The following TMEM132D variants were observed in gnomAD, a reference collection of about 807,000 sequenced individuals.
The protein encoded by TMEM132D is mature OL transmembrane protein.
A neutral mutation model predicts 62.3 loss-of-function variants in TMEM132D; 21 were observed. The observed-to-expected ratio is 0.34, with a 90% CI of 0.24 to 0.49. The LOEUF (loss-of-function observed/expected upper bound fraction) is 0.49. Among genes scored for constraint, TMEM132D ranks in the 20% least tolerant of loss-of-function variants. The pLI, the probability that TMEM132D is intolerant of heterozygous loss-of-function variation, is 0.99. For synonymous variants in TMEM132D, 621 were observed against 575.6 expected (o/e 1.08, Z -1.13); for missense variants, 1,346 against 1,402.8 (o/e 0.96, Z 0.65).
chr12:129,338,980 G>A (rs568036220), intron 3 of TMEM132D, among the ~76,000 whole-genome samples: 2 of 152,052 alleles, frequency 1.3e-5, no homozygotes, highest in South Asian at 4.2e-4. Context: ...GACAGAGAGA[G>A]AGAAAGGAGG....
At chr12:129,320,765 G>T (rs1440125184) in intron 4 of TMEM132D, among the ~76,000 whole-genome samples, 2 of 152,154 alleles carry the variant, frequency 1.3e-5, no homozygotes, top group African/African-American at 4.8e-5. Context: ...AAAAAGAATA[G>T]TTTGGAGTAC....
At chr12:129,101,825 C>G (rs1251523237) in intron 5 of TMEM132D, among the ~76,000 whole-genome samples, 1 of 152,200 alleles carries the variant, frequency 6.6e-6, no homozygotes, top group Non-Finnish European at 1.5e-5. Context: ...ACACTGACAG[C>G]AACCGAGGTC....
intron 4 of TMEM132D, among the ~76,000 whole-genome samples, chr12:129,319,609 C>G (rs11060247): frequency 1.1e-4 from 16 of 152,034 alleles, no homozygotes; most frequent in African/African-American, 3.6e-4. Context: ...CCCAAGGACT[C>G]GAAACAGGCA....
At chr12:129,122,888 A>T (rs1876107119) in intron 5 of TMEM132D, among the ~76,000 whole-genome samples, 1 of 152,192 alleles carries the variant, frequency 6.6e-6, no homozygotes, top group Non-Finnish European at 1.5e-5. Flanking sequence ...TTGATGACAA[A>T]CTGGTTATGG....
At chr12:129,770,018 A>G (rs564335080) in intron 1 of TMEM132D, among the ~76,000 whole-genome samples, 1 of 150,720 alleles carries the variant, frequency 6.6e-6, no homozygotes, top group African/African-American at 2.4e-5. Context: ...GGGGGTCTTG[A>G]TTTGTTGCTG....
chr12:129,550,583 C>A (rs1003077911), intron 2 of TMEM132D, among the ~76,000 whole-genome samples: 1 of 152,168 alleles, frequency 6.6e-6, no homozygotes, highest in South Asian at 2.1e-4. Flanking sequence ...ACTTAAGCAA[C>A]CATTTCACAG....
At chr12:129,786,750 G>A (rs58629372) in intron 1 of TMEM132D, among the ~76,000 whole-genome samples, 1 of 152,208 alleles carries the variant, frequency 6.6e-6, no homozygotes, top group African/African-American at 2.4e-5. Context: ...TATTGGCTGA[G>A]CTTGGTGGTA....
At chr12:129,701,096 G>A (rs763923027) in intron 1 of TMEM132D, among the ~76,000 whole-genome samples, 3 of 152,162 alleles carry the variant, frequency 2.0e-5, no homozygotes, top group Admixed American at 6.5e-5. Flanking sequence ...GAGAGGCACC[G>A]TCCCATTGAC....
chr12:129,481,290 G>T (rs1874421352), intron 3 of TMEM132D, among the ~76,000 whole-genome samples: 1 of 151,830 alleles, frequency 6.6e-6, no homozygotes, highest in South Asian at 2.1e-4. Flanking sequence ...GGGTAGCATT[G>T]TCTCTACAAA....
At chr12:129,789,520 G>A (rs1229580069) in intron 1 of TMEM132D, among the ~76,000 whole-genome samples, 1 of 152,172 alleles carries the variant, frequency 6.6e-6, no homozygotes, top group Non-Finnish European at 1.5e-5. Flanking sequence ...TGCAGTATAT[G>A]CAATATACAC....
intron 1 of TMEM132D, among the ~76,000 whole-genome samples, chr12:129,816,698 G>A (rs1872355738): frequency 6.6e-6 from 1 of 152,166 alleles, no homozygotes. Context: ...TGGGGAAAAG[G>A]TTCATTTCTA....
chr12:129,289,007 T>C (rs1301856030), intron 4 of TMEM132D, among the ~76,000 whole-genome samples: 2 of 152,164 alleles, frequency 1.3e-5, no homozygotes, highest in Non-Finnish European at 2.9e-5. Flanking sequence ...TGAATTGTAT[T>C]GTATTATTTT....
At chr12:129,403,127 A>G (rs376998918) in intron 3 of TMEM132D, among the ~76,000 whole-genome samples, 5 of 151,722 alleles carry the variant, frequency 3.3e-5, no homozygotes, top group African/African-American at 9.7e-5. Context: ...TAACCAAACA[A>G]TATTCTTCAT....
intron 2 of TMEM132D, among the ~76,000 whole-genome samples, chr12:129,568,939 T>C (rs1223860384): frequency 1.3e-5 from 2 of 152,130 alleles, no homozygotes; most frequent in Non-Finnish European, 2.9e-5. Flanking sequence ...AAGAGTCACC[T>C]GGGAGGGATT....
intron 1 of TMEM132D, among the ~76,000 whole-genome samples, chr12:129,788,713 A>G (rs1057233603): frequency 6.6e-6 from 1 of 152,194 alleles, no homozygotes. Context: ...GCCAGACACT[A>G]TACCAGGGTA....
At chr12:129,842,935 T>G (rs1289183597) in intron 1 of TMEM132D, among the ~76,000 whole-genome samples, 3 of 152,212 alleles carry the variant, frequency 2.0e-5, no homozygotes, top group African/African-American at 7.2e-5. Context: ...CTTATATTAG[T>G]TATGTAAAAT....
At chr12:129,710,389 G>C (rs189312408) in intron 1 of TMEM132D, among the ~76,000 whole-genome samples, 1 of 152,060 alleles carries the variant, frequency 6.6e-6, no homozygotes, top group Non-Finnish European at 1.5e-5. Flanking sequence ...TCCACCTCCC[G>C]TGTTCAAGTG....
intron 5 of TMEM132D, among the ~76,000 whole-genome samples, chr12:129,116,941 A>ATC (rs1484104855): frequency 5.3e-5 from 8 of 151,480 alleles, no homozygotes; most frequent in Non-Finnish European, 1.2e-4. Context: ...AAAAAAAAAA[A>ATC]AAAAAATCTG....
At chr12:129,607,365 G>C (rs1373022330) in intron 2 of TMEM132D, among the ~76,000 whole-genome samples, 1 of 152,164 alleles carries the variant, frequency 6.6e-6, no homozygotes, top group East Asian at 1.9e-4. Flanking sequence ...CTGCTAACTG[G>C]GGAAACCCCT....
Sources: gnomAD v4.1 joint callset for allele counts (sites outside exome capture counted in the v4.1 genomes callset) on GRCh38, gnomAD v4.1.1 for gene constraint, MANE v1.5 for transcripts, NCBI Gene and HGNC (gene_info 2026-07-23, HGNC 2026-07-21) for gene names.